The following RGS7 variants were observed in gnomAD, a reference collection of about 807,000 sequenced individuals.
The protein encoded by RGS7 is regulator of G protein signaling 7.
In RGS7, 27 loss-of-function variants were observed where a neutral mutation model predicts 81.1. The ratio of observed to expected loss-of-function variants is 0.33; its 90% CI spans 0.25 to 0.46. The LOEUF (loss-of-function observed/expected upper bound fraction) is 0.46, where lower values mean the gene tolerates loss of function less well. RGS7 is among the 20% of genes least tolerant of loss of function. The pLI, the probability that RGS7 is intolerant of heterozygous loss-of-function variation, is 1.00. For missense variants in RGS7, 396 were observed against 607.4 expected, an observed-to-expected ratio of 0.65 and a Z score of 3.66; for synonymous variants, 208 against 207.7, an observed-to-expected ratio of 1.00 and a Z score of -0.01.
chr1:241,062,446 G>A (rs145927647), intron 3 of RGS7, among the ~76,000 whole-genome samples: 67 of 152,162 alleles, frequency 4.4e-4, no homozygotes, highest in African/African-American at 1.4e-3. Flanking sequence ...TCAGATTACC[G>A]GTGAAAATTT....
At chr1:241,195,461 A>C (rs977093812) in intron 2 of RGS7, among the ~76,000 whole-genome samples, 5 of 152,114 alleles carry the variant, frequency 3.3e-5, no homozygotes, top group African/African-American at 1.2e-4. Context: ...GGGTGAAAAG[A>C]GCAAGACTCC....
intron 2 of RGS7, among the ~76,000 whole-genome samples, chr1:241,238,189 A>C (rs537841345): frequency 6.6e-6 from 1 of 152,170 alleles, no homozygotes; most frequent in African/African-American, 2.4e-5. Flanking sequence ...GGGAGTGCCT[A>C]GGGCTGACCG....
chr1:240,919,581 TA>T (rs112055573), intron 6 of RGS7: 4,613 of 229,118 alleles, frequency 0.02, 187 homozygotes, highest in African/African-American at 0.088. Flanking sequence ...CCCAACTTGA[TA>T]AAAAAAAATG....
chr1:241,092,519 A>G (rs2063952601), intron 3 of RGS7, among the ~76,000 whole-genome samples: 1 of 152,242 alleles, frequency 6.6e-6, no homozygotes, highest in Non-Finnish European at 1.5e-5. Flanking sequence ...TTTCATTTAC[A>G]GAAAATCTTC....
chr1:241,153,929 T>TA (rs1220108837), intron 2 of RGS7, among the ~76,000 whole-genome samples: 1 of 152,214 alleles, frequency 6.6e-6, no homozygotes, highest in African/African-American at 2.4e-5. Context: ...AATCAAGGAC[T>TA]AAATGCTTAT....
At chr1:241,147,982 A>G (rs2068469099) in intron 2 of RGS7, among the ~76,000 whole-genome samples, 1 of 147,808 alleles carries the variant, frequency 6.8e-6, no homozygotes, top group Non-Finnish European at 1.5e-5. Flanking sequence ...CATTTTATCT[A>G]TATGCCTGGT....
chr1:241,087,734 AG>A (rs1293512211), intron 3 of RGS7, among the ~76,000 whole-genome samples: 1 of 152,076 alleles, frequency 6.6e-6, no homozygotes, highest in Non-Finnish European at 1.5e-5. Context: ...AGATCACTTG[AG>A]GTCAGCAGTT....
intron 18 of RGS7, among the ~76,000 whole-genome samples, chr1:240,793,834 G>C (rs907052104): frequency 1.2e-4 from 18 of 151,436 alleles, no homozygotes; most frequent in African/African-American, 3.9e-4. Flanking sequence ...GGATGGTCTC[G>C]ATCTCCTGAC....
intron 2 of RGS7, among the ~76,000 whole-genome samples, chr1:241,288,521 T>C (rs2078935361): frequency 6.6e-6 from 1 of 152,128 alleles, no homozygotes; most frequent in South Asian, 2.1e-4. Context: ...ATAAATGTGC[T>C]GAAGTACGGG....
intron 14 of RGS7, among the ~76,000 whole-genome samples, chr1:240,806,738 TG>T (rs1688921438): frequency 6.6e-6 from 1 of 152,008 alleles, no homozygotes; most frequent in Admixed American, 6.6e-5. Flanking sequence ...ATTAAAGGTG[TG>T]GGACATGGAG....
rs187801817 is a variant in RGS7 at position 241,331,426 on chromosome 1, T to C, written c.78+24273A>G. On this transcript the variant is annotated intron_variant, in intron 2 of 18. Transcript: ENST00000440928. The stretch of plus-strand genomic sequence containing the variant: ...TCCTTAACTTCTCCAAATCTGTGAG[T>C]AGTTTAAGGATTAAGTTATTAATAT... Among the ~76,000 whole-genome samples the C allele has an allele frequency of 3.6e-3, 548 of 152,300 alleles. 9 individuals carry two copies. The highest frequency in any genetic ancestry group is 0.021 in the Admixed American group (326 of 15,298).
rs1338374001 is a variant in RGS7, at chr1:241,163,742, G to C, written c.79-64980C>G. Among the ~76,000 whole-genome samples, 2 of 150,792 alleles carry C rather than the reference G, an allele frequency of 1.3e-5. No individual in the cohort carries two copies. Among genetic ancestry groups the C allele is most frequent in the Admixed American group, 6.6e-5 (1 of 15,236 alleles). On this transcript the variant is annotated intron_variant, in intron 2 of 18. Coordinates refer to ENST00000440928, the MANE Select transcript of RGS7 (RefSeq NM_001364886.1). This position sits in a 1 kb window ranked among gnomAD's most constrained non-coding sequence, Gnocchi z 4.6. ...AGCTTCTGAACCCCACTGGGGAGTT[G>C]GGATAATCACTCTGCAGTTTTCCCC...
At chr1:241,168,432 T>C (rs919965532) in intron 2 of RGS7, among the ~76,000 whole-genome samples, 23 of 152,168 alleles carry the variant, frequency 1.5e-4, no homozygotes, top group African/African-American at 5.6e-4. Context: ...AATATATGCA[T>C]GGCAGATACT....
At chr1:241,240,508 GT>G (rs2076211479) in intron 2 of RGS7, among the ~76,000 whole-genome samples, 1 of 152,186 alleles carries the variant, frequency 6.6e-6, no homozygotes, top group African/African-American at 2.4e-5. Flanking sequence ...AATGAAACCT[GT>G]TAGATTAGAT....
chr1:241,288,757 G>A (rs1024428966), intron 2 of RGS7, among the ~76,000 whole-genome samples: 31 of 152,080 alleles, frequency 2.0e-4, no homozygotes, highest in Non-Finnish European at 4.1e-4. Flanking sequence ...TGTCTTCATC[G>A]TGCCCTGCCC....
At chr1:241,126,244 G>A (rs2066650295) in intron 2 of RGS7, among the ~76,000 whole-genome samples, 1 of 151,966 alleles carries the variant, frequency 6.6e-6, no homozygotes, top group Non-Finnish European at 1.5e-5. Flanking sequence ...CCGCCTCCCG[G>A]GTTCAAGGAA....
chr1:240,975,374 C>T (rs1572077663), intron 4 of RGS7, among the ~76,000 whole-genome samples: 3 of 152,158 alleles, frequency 2.0e-5, no homozygotes, highest in Admixed American at 6.5e-5. Flanking sequence ...TTCACTCCAG[C>T]CTGGGCAACA....
intron 2 of RGS7, among the ~76,000 whole-genome samples, chr1:241,183,663 A>G (rs963456444): frequency 6.6e-6 from 1 of 152,248 alleles, no homozygotes; most frequent in Non-Finnish European, 1.5e-5. Context: ...ACATGCTTCT[A>G]TGAGTTCAAA....
At chr1:241,221,029 GGAAGGAAGGA>G (rs2074936883) in intron 2 of RGS7, among the ~76,000 whole-genome samples, 5 of 99,422 alleles carry the variant, frequency 5.0e-5, no homozygotes, top group African/African-American at 1.8e-4. Flanking sequence ...AAGGAAGGAA[GGAAGGAAGGA>G]AAAGAAAGAA....
Sources: allele counts gnomAD v4.1 joint callset (sites outside exome capture counted in the v4.1 genomes callset), GRCh38; gene constraint gnomAD v4.1.1; non-coding constraint Gnocchi (gnomAD v3.1); transcripts MANE v1.5; gene names NCBI Gene and HGNC (gene_info 2026-07-23, HGNC 2026-07-21).